JAM3: variants seen among roughly 807,000 people sequenced by gnomAD.
JAM3 encodes the protein junctional adhesion molecule 3, also known as junctional adhesion molecule C.
Under a neutral mutation model 39.4 loss-of-function variants are expected in JAM3, and 31 were observed. The ratio of observed to expected loss-of-function variants is 0.79; its 90% CI spans 0.59 to 1.06. The LOEUF is 1.06. JAM3 is among the 50% of genes least tolerant of loss of function. The pLI, the probability that JAM3 is intolerant of heterozygous loss-of-function variation, is 0.00. For synonymous variants in JAM3, 182 were observed against 148.7 expected (o/e 1.22, Z -1.63); for missense variants, 455 against 391.4 (o/e 1.16, Z -1.37).
rs886796596 is a variant in JAM3 at position 134,149,739 on chromosome 11, A to G, written c.*558A>G. On this transcript the variant is annotated 3_prime_UTR_variant, in exon 9 of 9. Coordinates refer to ENST00000299106, the MANE Select transcript of JAM3 (RefSeq NM_032801.5). ...TGTCCATTGTGGAGAAGCTTTTTGG[A>G]TCAGCATTTTGTAAAAACAACCAAA... 2.3e-6 allele frequency: 1 copy of G among 442,250 alleles called. No homozygotes were observed. Among genetic ancestry groups the G allele is most frequent in the Non-Finnish European group, 4.6e-6 (1 of 218,938 alleles). 27.4% of individuals were successfully genotyped at this position (442,250 alleles called of 1,614,324 possible). A position where few individuals can be genotyped will look rare whatever the true frequency, so the allele number is the denominator to read the frequency against.
chr11:134,148,273 T>A, intron 6 of JAM3: 1 of 490,500 alleles, frequency 2.0e-6, no homozygotes, highest in Non-Finnish European at 3.7e-6. Context: ...TTTTTAAGCC[T>A]ACAGTGCCAA....
At chr11:134,113,516 A>G (rs499444) in intron 1 of JAM3, among the ~76,000 whole-genome samples, 2 of 152,072 alleles carry the variant, frequency 1.3e-5, no homozygotes, top group Admixed American at 1.3e-4. Flanking sequence ...AACAAAGGAC[A>G]TGAACTCATC....
At chr11:134,129,099 C>T (rs952170476) in intron 1 of JAM3, among the ~76,000 whole-genome samples, 3 of 151,002 alleles carry the variant, frequency 2.0e-5, no homozygotes, top group African/African-American at 7.3e-5. Context: ...TGTGCAGGCA[C>T]ATCCCTGGTA....
chr11:134,132,734 C>G, intron 1 of JAM3, among the ~76,000 whole-genome samples: 1 of 152,112 alleles, frequency 6.6e-6, no homozygotes. Context: ...ATTTTTCTCC[C>G]ATCTTCACTG....
chr11:134,146,054 CT>C lies in JAM3; in HGVS notation c.712+15del, dbSNP rs776634938. ...GCAGGAGATGGAAGTCTGTGAGTTT[CT>C]TTTTTGAAGAGGTTTCATCGCAAGA... On this transcript the variant is annotated intron_variant, in intron 6 of 8. Coordinates refer to ENST00000299106, the MANE Select transcript of JAM3 (RefSeq NM_032801.5). 1 of 1,594,904 alleles carries C rather than the reference CT, an allele frequency of 6.3e-7. No homozygotes were observed. The highest frequency in any genetic ancestry group is 8.6e-7 in the Non-Finnish European group (1 of 1,162,402).
Position 134,085,943 on chromosome 11 carries a change from C to T in JAM3, c.76+16784C>T, listed in dbSNP as rs116696297. On this transcript the variant is annotated intron_variant, in intron 1 of 8. Transcript: ENST00000299106. ...TATTATCGCCTTAACAGATGAGAAG[C>T]CATGGATGAGTTTGTATGTTTCTTT... 4.6e-3 allele frequency among the ~76,000 whole-genome samples: 700 copies of T among 152,170 alleles called. 6 individuals carry two copies. The highest frequency in any genetic ancestry group is 0.016 in the African/African-American group (668 of 41,502).
chr11:134,071,281 CAG>C (rs368797089), intron 1 of JAM3, among the ~76,000 whole-genome samples: 7 of 152,280 alleles, frequency 4.6e-5, no homozygotes, highest in African/African-American at 1.4e-4. Context: ...GATGAGGGAA[CAG>C]AAGTATGGAG....
Position 134,149,137 on chromosome 11 carries a change from G to A in JAM3, c.898-9G>A, listed in dbSNP as rs775013400. On this transcript the variant is annotated splice_polypyrimidine_tract_variant and intron_variant, in intron 8 of 8. Coordinates refer to ENST00000299106, the MANE Select transcript of JAM3 (RefSeq NM_032801.5). ...CCTTGATGGCTCTAACTGTGTGTTGGCTTTGCAGGGCGACTTCAGACACAA... is the reference window on the plus strand; with the variant it reads ...CCTTGATGGCTCTAACTGTGTGTTGACTTTGCAGGGCGACTTCAGACACAA... The A allele has an allele frequency of 6.2e-7, 1 of 1,614,008 alleles. No homozygotes were observed. Among genetic ancestry groups the A allele is most frequent in the East Asian group, 2.2e-5 (1 of 44,884 alleles).
At chr11:134,134,208 A>T (rs1223861007) in intron 1 of JAM3, among the ~76,000 whole-genome samples, 1 of 152,132 alleles carries the variant, frequency 6.6e-6, no homozygotes, top group Non-Finnish European at 1.5e-5. Flanking sequence ...AGATGACCTA[A>T]AAAATGGAAC....
intron 1 of JAM3, among the ~76,000 whole-genome samples, chr11:134,111,769 A>G (rs1224094719): frequency 1.3e-5 from 2 of 152,244 alleles, no homozygotes; most frequent in African/African-American, 4.8e-5. Context: ...AAACAATAAA[A>G]AGGGAATCTC....
At chr11:134,144,097 C>T in intron 3 of JAM3, 144 bp from the exon 4 acceptor site, 1 of 780,968 alleles carries the variant, frequency 1.3e-6, no homozygotes, top group Non-Finnish European at 2.2e-6. Context: ...CAAGAGAGTT[C>T]ACTTCTGTAC....
intron 1 of JAM3, among the ~76,000 whole-genome samples, chr11:134,077,639 G>A (rs7358423): frequency 0.39 from 55,593 of 144,100 alleles, 11,759 homozygotes; most frequent in African/African-American, 0.56. Context: ...GCAAGCCACC[G>A]TGGCTGGCGC....
chr11:134,125,162 C>T (rs1313843380), intron 1 of JAM3, among the ~76,000 whole-genome samples: 2 of 152,220 alleles, frequency 1.3e-5, no homozygotes, highest in Non-Finnish European at 2.9e-5. Flanking sequence ...GGCTACAGCC[C>T]GGCCGATCGT....
At chr11:134,140,294 G>A (rs957467073) in intron 2 of JAM3, among the ~76,000 whole-genome samples, 2 of 152,072 alleles carry the variant, frequency 1.3e-5, no homozygotes, top group African/African-American at 2.4e-5. Flanking sequence ...GCTGATTTTT[G>A]TACGGGGTTT....
At chr11:134,102,756 G>A (rs899125571) in intron 1 of JAM3, among the ~76,000 whole-genome samples, 1 of 152,198 alleles carries the variant, frequency 6.6e-6, no homozygotes, top group African/African-American at 2.4e-5. Flanking sequence ...CTGGAAGAAA[G>A]GGTATCAGTG....
At chr11:134,081,615 G>A (rs1165072120) in intron 1 of JAM3, among the ~76,000 whole-genome samples, 1 of 152,240 alleles carries the variant, frequency 6.6e-6, no homozygotes, top group Non-Finnish European at 1.5e-5. Context: ...TTCAGAGGAT[G>A]TATGAAAATG....
intron 1 of JAM3, among the ~76,000 whole-genome samples, chr11:134,095,344 C>G (rs951449212): frequency 4.0e-5 from 6 of 151,844 alleles, no homozygotes; most frequent in African/African-American, 1.2e-4. Flanking sequence ...AAGATTTGTT[C>G]TAATAGGCCC....
At chr11:134,114,934 G>T (rs188189762) in intron 1 of JAM3, among the ~76,000 whole-genome samples, 194 of 152,312 alleles carry the variant, frequency 1.3e-3, no homozygotes, top group Admixed American at 3.9e-3. Flanking sequence ...ATTGAGAGTA[G>T]TGTTGAAATC....
chr11:134,144,827 G>A lies in JAM3; in HGVS notation c.445G>A (p.Ala149Thr). Reference sequence around the variant, plus strand: ...GACCCCTGTCTGTAGAGTGCCGAAGGCTGTACCAGTAGGCAAGATGGCAAC... The same window carrying A: ...GACCCCTGTCTGTAGAGTGCCGAAGACTGTACCAGTAGGCAAGATGGCAAC... ...PVTPVCRVPK[A>T]VPVGKMATLH... is the part of the protein sequence containing the mutation. Residue 149 changes from alanine (A) to threonine (T), a missense_variant, in exon 5 of 9, where the codon GCT becomes ACT. Transcript: ENST00000299106. 6.2e-7 allele frequency: 1 copy of A among 1,614,154 alleles called. No homozygotes were observed. The highest frequency in any genetic ancestry group is 8.5e-7 in the Non-Finnish European group (1 of 1,180,008).
Sources: allele counts gnomAD v4.1 joint callset (sites outside exome capture counted in the v4.1 genomes callset), GRCh38; gene constraint gnomAD v4.1.1; transcripts MANE v1.5; gene names NCBI Gene and HGNC (gene_info 2026-07-23, HGNC 2026-07-21).